The following PLCE1 variants were observed in gnomAD, a reference collection of about 807,000 sequenced individuals.
The protein encoded by PLCE1 is phospholipase C epsilon 1, also known as 1-phosphatidylinositol 4,5-bisphosphate phosphodiesterase epsilon-1.
Under a neutral mutation model 242.8 loss-of-function variants are expected in PLCE1, and 119 were observed. That is an observed-to-expected ratio of 0.49 (90% CI 0.42 to 0.57). The LOEUF (loss-of-function observed/expected upper bound fraction) is 0.57, where lower values mean the gene tolerates loss of function less well. Among genes scored for constraint, PLCE1 ranks in the 20% least tolerant of loss-of-function variants. The pLI is 0.00. For missense variants in PLCE1, 2,441 were observed against 2,788.8 expected (o/e 0.88, Z 2.81); for synonymous variants, 945 against 1,017.4 (o/e 0.93, Z 1.35).
intron 1 of PLCE1, among the ~76,000 whole-genome samples, chr10:94,015,579 G>A (rs897742159): frequency 2.0e-5 from 3 of 152,184 alleles, no homozygotes; most frequent in Admixed American, 6.5e-5. Flanking sequence ...GACTATTCTG[G>A]ATGTTTTGTG....
At chr10:94,175,391 A>T (rs1044972425) in intron 4 of PLCE1, among the ~76,000 whole-genome samples, 3 of 151,846 alleles carry the variant, frequency 2.0e-5, no homozygotes, top group African/African-American at 7.3e-5. Flanking sequence ...TCATTCATTC[A>T]TTCACTCAAG....
At chr10:94,231,437 C>A (rs1368590008) in intron 5 of PLCE1, among the ~76,000 whole-genome samples, 1 of 152,132 alleles carries the variant, frequency 6.6e-6, no homozygotes, top group Admixed American at 6.5e-5. Context: ...GATTTGATTG[C>A]CTTTCAAAGC....
chr10:94,253,304 C>T (rs529068793), intron 9 of PLCE1, among the ~76,000 whole-genome samples: 2 of 152,228 alleles, frequency 1.3e-5, no homozygotes, highest in African/African-American at 2.4e-5. Flanking sequence ...CGGGAGCCAG[C>T]GCATGACATG....
chr10:94,279,325 C>T (rs1294819121), intron 19 of PLCE1: 2 of 167,232 alleles, frequency 1.2e-5, no homozygotes, highest in Non-Finnish European at 2.6e-5. Flanking sequence ...CTTTTGGCCT[C>T]TTTGTCCATA....
intron 2 of PLCE1, among the ~76,000 whole-genome samples, chr10:94,095,620 C>G (rs1030002125): frequency 6.6e-6 from 1 of 152,100 alleles, no homozygotes; most frequent in Non-Finnish European, 1.5e-5. Flanking sequence ...CTGTGTGTCA[C>G]CAGCCACAGG....
Position 94,189,983 on chromosome 10 carries a change from A to G in PLCE1, c.1809+18487A>G, listed in dbSNP as rs79325915. 4.6e-5 allele frequency among the ~76,000 whole-genome samples: 7 copies of G among 152,352 alleles called. No homozygotes were observed. The East Asian group carries it at 1.3e-3, about 29-fold the overall frequency. ...AAAGGGGACTAAGAGTAGTTTCTTCATAGATTCTTGTAAAGGTTTAGAAAG... is the reference window on the plus strand; with the variant it reads ...AAAGGGGACTAAGAGTAGTTTCTTCGTAGATTCTTGTAAAGGTTTAGAAAG... On this transcript the variant is annotated intron_variant, in intron 4 of 32. Coordinates refer to ENST00000371380, the MANE Select transcript of PLCE1 (RefSeq NM_016341.4).
At chr10:94,232,530 C>A (rs1443957841) in intron 5 of PLCE1, among the ~76,000 whole-genome samples, 1 of 152,084 alleles carries the variant, frequency 6.6e-6, no homozygotes, top group African/African-American at 2.4e-5. Flanking sequence ...GGCCTTGGTG[C>A]CCTCACAGAG....
At chr10:94,269,250 T>A (rs191743968) in intron 17 of PLCE1, among the ~76,000 whole-genome samples, 177 of 151,808 alleles carry the variant, frequency 1.2e-3, no homozygotes, top group African/African-American at 4.1e-3. Context: ...TACAAGCCCA[T>A]ACCATCAAGC....
intron 3 of PLCE1, among the ~76,000 whole-genome samples, chr10:94,162,103 T>G (rs1392667507): frequency 6.6e-6 from 1 of 152,220 alleles, no homozygotes. Context: ...TCAGGGATAT[T>G]GGTCTAAAAT....
chr10:94,204,503 C>G (rs2049083624), intron 4 of PLCE1, among the ~76,000 whole-genome samples: 1 of 151,706 alleles, frequency 6.6e-6, no homozygotes, highest in Non-Finnish European at 1.5e-5. Flanking sequence ...TGCGTCTTTA[C>G]TAAAAATACA....
At chr10:94,270,623 C>T in intron 18 of PLCE1, 21 bp downstream of exon 18, 1 of 1,385,934 alleles carries the variant, frequency 7.2e-7, no homozygotes, top group Non-Finnish European at 1.0e-6. Flanking sequence ...AACAAAAAGG[C>T]AGGATGGTAT....
At chr10:94,116,922 A>G (rs112495200) in intron 2 of PLCE1, among the ~76,000 whole-genome samples, 3 of 152,268 alleles carry the variant, frequency 2.0e-5, no homozygotes, top group African/African-American at 7.2e-5. Context: ...AGTTTCTGCT[A>G]TTATCCCTGC....
At chr10:94,158,509 G>A (rs2047501651) in intron 3 of PLCE1, among the ~76,000 whole-genome samples, 1 of 152,006 alleles carries the variant, frequency 6.6e-6, no homozygotes, top group South Asian at 2.1e-4. Context: ...GCTGCTCCCT[G>A]GAAATTTCCC....
At chr10:94,239,793 T>C (rs1261525732) in intron 7 of PLCE1, among the ~76,000 whole-genome samples, 1 of 152,166 alleles carries the variant, frequency 6.6e-6, no homozygotes, top group Non-Finnish European at 1.5e-5. Flanking sequence ...TGAGAAAAGA[T>C]AATAGTTACC....
chr10:94,105,293 G>A (rs746409669), intron 2 of PLCE1: 2 of 152,244 alleles, frequency 1.3e-5, no homozygotes, highest in African/African-American at 4.8e-5. Context: ...ACTCTGAAAA[G>A]CTGGTGTTCC....
chr10:94,135,365 G>A (rs2046736664), intron 3 of PLCE1, among the ~76,000 whole-genome samples: 2 of 152,068 alleles, frequency 1.3e-5, no homozygotes, highest in South Asian at 4.1e-4. Context: ...AACTCTGATG[G>A]CCATGTACTC....
At chr10:94,005,419 A>G (rs903800508) in intron 1 of PLCE1, among the ~76,000 whole-genome samples, 1 of 152,232 alleles carries the variant, frequency 6.6e-6, no homozygotes, top group Non-Finnish European at 1.5e-5. Flanking sequence ...TGTAACTAGA[A>G]TGTTTACTGC....
chr10:94,002,146 A>G (rs2060943631), intron 1 of PLCE1, among the ~76,000 whole-genome samples: 1 of 152,184 alleles, frequency 6.6e-6, no homozygotes, highest in Non-Finnish European at 1.5e-5. Flanking sequence ...TGAATCTAAG[A>G]GAAGAAGGCA....
chr10:94,319,177 C>CTGA (rs1438263091), intron 29 of PLCE1, among the ~76,000 whole-genome samples: 7 of 152,156 alleles, frequency 4.6e-5, no homozygotes, highest in African/African-American at 1.7e-4. Flanking sequence ...CAAGATTTTT[C>CTGA]TGATAAGTAA....
Sources: allele counts gnomAD v4.1 joint callset (sites outside exome capture counted in the v4.1 genomes callset), GRCh38; gene constraint gnomAD v4.1.1; transcripts MANE v1.5; gene names NCBI Gene and HGNC (gene_info 2026-07-23, HGNC 2026-07-21).